RASGEF1C: variants seen among roughly 807,000 people sequenced by gnomAD.
The protein encoded by RASGEF1C is RasGEF domain family member 1C.
A neutral mutation model predicts 58.1 loss-of-function variants in RASGEF1C; 27 were observed. That is an observed-to-expected ratio of 0.46 (90% confidence interval 0.34 to 0.64). The LOEUF is 0.64. Among genes scored for constraint, RASGEF1C ranks in the 30% least tolerant of loss-of-function variants. The pLI is 0.01. For missense variants in RASGEF1C, 502 were observed against 605.1 expected (o/e 0.83, Z 1.79); for synonymous variants, 243 against 246.3 (o/e 0.99, Z 0.13).
In RASGEF1C at chr5:180,143,909, T is replaced by A. The variant is rs1294142679; in HGVS notation, c.-6-5851A>T. On this transcript the variant is annotated intron_variant, in intron 1 of 13. Transcript: ENST00000361132. The surrounding 1 kb of genome is among the most constrained non-coding windows in gnomAD (Gnocchi z 4.3). The stretch of plus-strand genomic sequence containing the variant: ...CGCGTCCTGGGGGCTGGAGGGATGT[T>A]CTCCCTGGGCCAGGTGTGGCAGAAG... 6.6e-6 allele frequency among the ~76,000 whole-genome samples: 1 copy of A among 151,972 alleles called. No individual in the cohort carries two copies. The highest frequency in any genetic ancestry group is 1.5e-5 in the Non-Finnish European group (1 of 67,992).
intron 11 of RASGEF1C, among the ~76,000 whole-genome samples, chr5:180,111,804 C>T (rs1765963941): frequency 6.6e-6 from 1 of 152,112 alleles, no homozygotes. Flanking sequence ...TTGTTGTTAT[C>T]CTCTATGTAT....
In RASGEF1C at chr5:180,189,998, G is replaced by GC. The variant is rs1756118022; in HGVS notation, c.-7+19029_-7+19030insG. Among the ~76,000 whole-genome samples the GC allele has an allele frequency of 2.2e-5, 3 of 138,668 alleles. No individual in the cohort carries two copies. The South Asian group carries it at 7.0e-4, about 32-fold the overall frequency. The allele number at this position is 138,668 out of a possible 152,430, so 91.0% of individuals were successfully genotyped here. The stretch of plus-strand genomic sequence containing the variant: ...TGGTGCTGGAATAGTTACTTCATGC[G>GC]AAAAAAAAAACCTGATATTGATCCA... On this transcript the variant is annotated intron_variant, in intron 1 of 13. Transcript: ENST00000361132.
intron 1 of RASGEF1C, among the ~76,000 whole-genome samples, chr5:180,181,746 C>T (rs902597020): frequency 1.6e-4 from 24 of 152,258 alleles, no homozygotes; most frequent in African/African-American, 4.6e-4. Flanking sequence ...TTAAGCCATC[C>T]CAGTCTGTGA....
At chr5:180,117,490 G>A (rs1421647421) in intron 10 of RASGEF1C, among the ~76,000 whole-genome samples, 1 of 152,184 alleles carries the variant, frequency 6.6e-6, no homozygotes, top group Non-Finnish European at 1.5e-5. Context: ...CGCATGGCAC[G>A]GGCCTTCAAA....
At chr5:180,174,500 C>A (rs4700899) in intron 1 of RASGEF1C, among the ~76,000 whole-genome samples, 1 of 105,022 alleles carries the variant, frequency 9.5e-6, no homozygotes, top group East Asian at 3.1e-4. Context: ...GCGTGTGTGT[C>A]TGTGTGTGCG....
intron 1 of RASGEF1C, among the ~76,000 whole-genome samples, chr5:180,144,685 C>T (rs557843592): frequency 2.6e-5 from 4 of 152,206 alleles, no homozygotes; most frequent in East Asian, 1.9e-4. Flanking sequence ...ATAAATTTAC[C>T]GTGTAAAGTT....
chr5:180,104,229 G>T lies in RASGEF1C; in HGVS notation c.1304-2086C>A, dbSNP rs374485443. ...AAAATTCATGTTGAAACATAATCCC[G>T]AATGCAACAGTGTTAACTAACAGGT... On this transcript the variant is annotated intron_variant, in intron 12 of 13. Coordinates refer to ENST00000361132, the MANE Select transcript of RASGEF1C (RefSeq NM_175062.4). Among the ~76,000 whole-genome samples the T allele has an allele frequency of 4.5e-4, 69 of 152,240 alleles. 1 individual carries two copies. The highest frequency in any genetic ancestry group is 9.8e-4 in the Admixed American group (15 of 15,288).
chr5:180,163,671 T>C (rs562950810), intron 1 of RASGEF1C, among the ~76,000 whole-genome samples: 5 of 152,328 alleles, frequency 3.3e-5, no homozygotes, highest in South Asian at 4.1e-4. Flanking sequence ...CTATAACCTA[T>C]ATATACTGCT....
chr5:180,127,679 C>G lies in RASGEF1C; in HGVS notation c.644G>C (p.Arg215Pro). ...AQQLTHVELE[R>P]LRHIGPEEFV... ...CTCCTCAGGCCCGATGTGCCGCAGC[C>G]GCTCCTGCAGGGAAGGGTGAAGAGT... The change falls in exon 6 of 14, where the codon CGG (arginine) becomes CCG (proline). Residue 215 changes from arginine to proline, a missense_variant. Coordinates refer to ENST00000361132, the MANE Select transcript of RASGEF1C (RefSeq NM_175062.4). The G allele has an allele frequency of 1.9e-6, 3 of 1,612,692 alleles. No homozygotes were observed. Among genetic ancestry groups the G allele is most frequent in the Non-Finnish European group, 2.5e-6 (3 of 1,179,540 alleles).
chr5:180,149,088 CTTTTTTTTT>C (rs61204210), intron 1 of RASGEF1C, among the ~76,000 whole-genome samples: 2 of 110,176 alleles, frequency 1.8e-5, no homozygotes, highest in African/African-American at 6.7e-5. Context: ...CTTTTTTTTT[CTTTTTTTTT>C]TTTTTTTTTG....
At chr5:180,172,151 A>G (rs1196169798) in intron 1 of RASGEF1C, among the ~76,000 whole-genome samples, 3 of 152,246 alleles carry the variant, frequency 2.0e-5, no homozygotes, top group Non-Finnish European at 4.4e-5. Flanking sequence ...ACCTAAAGGT[A>G]GGCCAGGCAG....
intron 12 of RASGEF1C, among the ~76,000 whole-genome samples, chr5:180,107,684 C>T (rs1765893619): frequency 6.6e-6 from 1 of 152,214 alleles, no homozygotes; most frequent in Non-Finnish European, 1.5e-5. Context: ...TCTTGGCTCA[C>T]TGCAATCTTT....
At chr5:180,200,310 C>CTTTTT (rs762904367) in intron 1 of RASGEF1C, among the ~76,000 whole-genome samples, 23,421 of 90,052 alleles carry the variant, frequency 0.26, 5,707 homozygotes, top group Non-Finnish European at 0.34. Context: ...GTACATCATT[C>CTTTTT]TTTTTTTTTT....
At chr5:180,122,751 A>C (rs1045077496) in intron 6 of RASGEF1C, among the ~76,000 whole-genome samples, 4 of 147,414 alleles carry the variant, frequency 2.7e-5, no homozygotes, top group Non-Finnish European at 6.0e-5. Flanking sequence ...AAAAAAAAAA[A>C]AAAAAACTAA....
rs375471019 is a variant in RASGEF1C at position 180,132,549 on chromosome 5, G to A, written c.438+3829C>T. On this transcript the variant is annotated intron_variant, in intron 4 of 13. Transcript: ENST00000361132. The stretch of plus-strand genomic sequence containing the variant: ...TGGCAGAAAGCCGACGCAGGAGCTC[G>A]TGAGGCTCCTAGGGGTCTGCTCCCT... Among the ~76,000 whole-genome samples the A allele has an allele frequency of 2.2e-3, 335 of 152,342 alleles. 2 individuals are homozygous for A. The highest frequency in any genetic ancestry group is 4.0e-3 in the Non-Finnish European group (269 of 68,024).
intron 1 of RASGEF1C, among the ~76,000 whole-genome samples, chr5:180,161,762 C>G (rs986716505): frequency 6.6e-6 from 1 of 152,258 alleles, no homozygotes; most frequent in Admixed American, 6.5e-5. Flanking sequence ...GCCCCCGCCC[C>G]CATTCAGCTC....
chr5:180,120,984 C>T, intron 7 of RASGEF1C, 76 bp downstream of exon 7: 1 of 1,023,842 alleles, frequency 9.8e-7, no homozygotes, highest in Non-Finnish European at 1.6e-6. Flanking sequence ...CTTCCGGTTC[C>T]TTCCCCCGTG....
intron 1 of RASGEF1C, among the ~76,000 whole-genome samples, chr5:180,167,422 G>A (rs575234289): frequency 9.6e-4 from 146 of 152,240 alleles, no homozygotes; most frequent in African/African-American, 3.2e-3. Context: ...CCTTGGAGGC[G>A]GAGGCGCAGT....
rs62406975 is a variant in RASGEF1C, at chr5:180,198,790, A to T, written c.-7+10238T>A. ...ATGGGTTCAAACCTAGGCCTCCATGACCTGGGCACCTTCTGCTGCTTCTGG... is the reference window on the plus strand; with the variant it reads ...ATGGGTTCAAACCTAGGCCTCCATGTCCTGGGCACCTTCTGCTGCTTCTGG... On this transcript the variant is annotated intron_variant, in intron 1 of 13. Transcript: ENST00000361132. The surrounding 1 kb of genome is among the most constrained non-coding windows in gnomAD (Gnocchi z 4.5). 0.15 allele frequency among the ~76,000 whole-genome samples: 22,117 copies of T among 152,140 alleles called. 2,068 individuals carry two copies. The highest frequency in any genetic ancestry group is 0.21 in the Non-Finnish European group (14,173 of 67,960).
Sources: gnomAD v4.1 joint callset for allele counts (sites outside exome capture counted in the v4.1 genomes callset) on GRCh38, gnomAD v4.1.1 for gene constraint, Gnocchi (gnomAD v3.1) non-coding constraint, MANE v1.5 for transcripts, NCBI Gene and HGNC (gene_info 2026-07-23, HGNC 2026-07-21) for gene names.